DDI2: variants seen among roughly 807,000 people sequenced by gnomAD.
The protein encoded by DDI2 is DDI proteasomal shuttling factor 2.
DDI2 carries 5 observed loss-of-function variants against 48.1 expected under a neutral mutation model. The ratio of observed to expected loss-of-function variants is 0.10; its 90% CI spans 0.05 to 0.22. The LOEUF (loss-of-function observed/expected upper bound fraction) is 0.22. Among genes scored for constraint, DDI2 ranks in the 10% least tolerant of loss-of-function variants. The pLI, the probability that DDI2 is intolerant of heterozygous loss-of-function variation, is 1.00. For missense variants in DDI2, 285 were observed against 506.2 expected, an observed-to-expected ratio of 0.56 and a Z score of 4.19; for synonymous variants, 205 against 183.6, an observed-to-expected ratio of 1.12 and a Z score of -0.94.
In DDI2 at chr1:15,617,815, C is replaced by G; in HGVS notation, c.138+7C>G. 3 of 1,588,984 alleles carry G rather than the reference C, an allele frequency of 1.9e-6. No individual in the cohort carries two copies. Among genetic ancestry groups the G allele is most frequent in the South Asian group, 1.1e-5 (1 of 89,130 alleles). On this transcript the variant is annotated splice_region_variant and intron_variant, in intron 1 of 9. Transcript: ENST00000480945. Reference sequence around the variant, plus strand: ...CCCCGCAGCCGAGAGCCAGGTACGCCGGGCAGCGAGCCGGGCCTGCCCCGG... The same window carrying G: ...CCCCGCAGCCGAGAGCCAGGTACGCGGGGCAGCGAGCCGGGCCTGCCCCGG...
chr1:15,623,330 A>G (rs1415810665), intron 1 of DDI2, among the ~76,000 whole-genome samples: 2 of 149,608 alleles, frequency 1.3e-5, no homozygotes, highest in East Asian at 3.9e-4. Context: ...GCTGTATATG[A>G]TACTCCTGGA....
At chr1:15,626,613 T>C in intron 1 of DDI2, 56 bp from the exon 2 acceptor site, 1 of 1,605,974 alleles carries the variant, frequency 6.2e-7, no homozygotes, top group Non-Finnish European at 8.5e-7. Context: ...TCCTTCTGCC[T>C]TGCGCTGTGT....
At chr1:15,634,607 A>G (rs1384339647) in intron 4 of DDI2, among the ~76,000 whole-genome samples, 2 of 131,180 alleles carry the variant, frequency 1.5e-5, no homozygotes, top group Admixed American at 8.7e-5. Context: ...ATCACAGCTC[A>G]TTGCAGCCTG....
intron 6 of DDI2, 39 bp from the exon 7 acceptor site, chr1:15,649,681 G>A: frequency 6.3e-7 from 1 of 1,592,016 alleles, no homozygotes; most frequent in South Asian, 1.1e-5. Context: ...CTGTTTTGAA[G>A]TACGTAACAA....
At chr1:15,628,778 T>C (rs1639798139) in intron 2 of DDI2, among the ~76,000 whole-genome samples, 1 of 152,188 alleles carries the variant, frequency 6.6e-6, no homozygotes, top group Admixed American at 6.6e-5. Flanking sequence ...TCATGAGTTG[T>C]GTAACCATCA....
intron 4 of DDI2, among the ~76,000 whole-genome samples, chr1:15,635,693 C>T (rs955157975): frequency 2.6e-5 from 4 of 152,192 alleles, no homozygotes; most frequent in Admixed American, 6.5e-5. Flanking sequence ...GTGTGAGCCA[C>T]TGCGCCTGGC....
intron 8 of DDI2, among the ~76,000 whole-genome samples, chr1:15,655,842 T>C (rs1421424742): frequency 6.6e-6 from 1 of 151,830 alleles, no homozygotes; most frequent in Non-Finnish European, 1.5e-5. Flanking sequence ...GAAAGATCAC[T>C]TGATCCTGGG....
At chr1:15,650,497 C>T (rs1309587938) in intron 7 of DDI2, among the ~76,000 whole-genome samples, 1 of 152,090 alleles carries the variant, frequency 6.6e-6, no homozygotes, top group Admixed American at 6.5e-5. Context: ...GTAATTCCAG[C>T]ATTTTGGGAG....
chr1:15,665,721 A>G lies in DDI2; in HGVS notation c.*5931A>G, dbSNP rs566799704. ...TGGTGGCTTTTATCCCGCCACATAT[A>G]TAAATATATATATATATAGCAAACA... On this transcript the variant is annotated 3_prime_UTR_variant, in exon 10 of 10. Transcript: ENST00000480945. 4.1e-4 allele frequency: 63 copies of G among 152,238 alleles called. No homozygotes were observed. The highest frequency in any genetic ancestry group is 1.4e-3 in the African/African-American group (58 of 41,512). 9.4% of individuals were successfully genotyped at this position (152,238 alleles called of 1,614,324 possible). A position where few individuals can be genotyped will look rare whatever the true frequency, so the allele number is the denominator to read the frequency against.
rs563737273 is a variant in DDI2 at position 15,618,501 on chromosome 1, C to G, written c.138+693C>G. On this transcript the variant is annotated intron_variant, in intron 1 of 9. Coordinates refer to ENST00000480945, the MANE Select transcript of DDI2 (RefSeq NM_032341.5). Reference sequence around the variant, plus strand: ...TACCCTGGTAGTAAGCCAGAAGGCCCTTTTTCTTTCAGGTCACAGTTCAGA... The same window carrying G: ...TACCCTGGTAGTAAGCCAGAAGGCCGTTTTTCTTTCAGGTCACAGTTCAGA... Among the ~76,000 whole-genome samples, 7 of 152,218 alleles carry G rather than the reference C, an allele frequency of 4.6e-5. No individual in the cohort carries two copies. The South Asian group carries it at 1.0e-3, about 23-fold the overall frequency.
intron 9 of DDI2, chr1:15,656,900 A>C (rs755673299): frequency 4.7e-5 from 24 of 509,874 alleles, no homozygotes; most frequent in Non-Finnish European, 3.7e-5. Context: ...ACCATCCAAC[A>C]GGGAGAAAAT....
At chr1:15,625,428 G>C (rs996487749) in intron 1 of DDI2, among the ~76,000 whole-genome samples, 4 of 151,944 alleles carry the variant, frequency 2.6e-5, no homozygotes, top group Admixed American at 6.6e-5. Context: ...CAGATTTTAT[G>C]TTTTTTCATG....
chr1:15,658,331 G>A (rs894010733), intron 9 of DDI2, among the ~76,000 whole-genome samples: 3 of 151,548 alleles, frequency 2.0e-5, no homozygotes, highest in East Asian at 3.9e-4. Context: ...TGTATTTTTA[G>A]TAGAGATGAG....
chr1:15,622,756 C>T (rs1379762393), intron 1 of DDI2, among the ~76,000 whole-genome samples: 1 of 152,148 alleles, frequency 6.6e-6, no homozygotes, highest in Non-Finnish European at 1.5e-5. Context: ...TATTTTGGGA[C>T]TTTTGCTGCA....
intron 6 of DDI2, among the ~76,000 whole-genome samples, chr1:15,645,884 A>AG (rs933201398): frequency 6.6e-6 from 1 of 151,114 alleles, no homozygotes; most frequent in African/African-American, 2.4e-5. Flanking sequence ...AAAAAAAAAA[A>AG]GAGTGGGCCA....
At chr1:15,643,677 G>A in intron 6 of DDI2, 27 bp downstream of exon 6, 4 of 1,611,636 alleles carry the variant, frequency 2.5e-6, no homozygotes, top group African/African-American at 1.3e-5. Context: ...GGGGCTTGCT[G>A]TCTTTCTGTA....
At chr1:15,620,414 A>G (rs1417760797) in intron 1 of DDI2, among the ~76,000 whole-genome samples, 1 of 152,146 alleles carries the variant, frequency 6.6e-6, no homozygotes, top group Admixed American at 6.6e-5. Flanking sequence ...TATCATGTTT[A>G]CTTACTTGAG....
chr1:15,618,724 C>T (rs1356143335), intron 1 of DDI2, among the ~76,000 whole-genome samples: 2 of 152,196 alleles, frequency 1.3e-5, no homozygotes, highest in Non-Finnish European at 2.9e-5. Context: ...ATCGGTGACA[C>T]TAACGCTGTA....
At chr1:15,640,162 C>G (rs371892046) in intron 5 of DDI2, among the ~76,000 whole-genome samples, 29 of 152,078 alleles carry the variant, frequency 1.9e-4, no homozygotes, top group African/African-American at 7.0e-4. Flanking sequence ...GTGACTGGAG[C>G]CTCAGAGGTC....
Sources: gnomAD v4.1 joint callset for allele counts (sites outside exome capture counted in the v4.1 genomes callset) on GRCh38, gnomAD v4.1.1 for gene constraint, MANE v1.5 for transcripts, NCBI Gene and HGNC (gene_info 2026-07-23, HGNC 2026-07-21) for gene names.